Variants in FSHR observed in about 807,000 individuals in gnomAD.
The protein encoded by FSHR is follicle stimulating hormone receptor.
FSHR carries 46 observed loss-of-function variants against 52.1 expected under a neutral mutation model. That is an observed-to-expected ratio of 0.88 (90% CI 0.70 to 1.13). The LOEUF is 1.13. Among genes scored for constraint, FSHR ranks in the 50% most tolerant of loss-of-function variants. The pLI is 0.00. For missense variants in FSHR, 964 were observed against 834.6 expected (o/e 1.16, Z -1.91); for synonymous variants, 399 against 309.6 (o/e 1.29, Z -3.03).
chr2:49,083,645 G>C (rs915402040), intron 1 of FSHR, among the ~76,000 whole-genome samples: 4 of 150,272 alleles, frequency 2.7e-5, no homozygotes, highest in Non-Finnish European at 5.9e-5. Flanking sequence ...AAAGGATGGA[G>C]GAAGCTCTAC....
intron 2 of FSHR, among the ~76,000 whole-genome samples, chr2:49,058,571 A>T (rs1032286843): frequency 6.6e-6 from 1 of 152,134 alleles, no homozygotes; most frequent in African/African-American, 2.4e-5. Flanking sequence ...CCTAAAAAAA[A>T]CCTTTAAGAA....
At chr2:48,992,463 C>T (rs1022685973) in intron 4 of FSHR, among the ~76,000 whole-genome samples, 1 of 152,164 alleles carries the variant, frequency 6.6e-6, no homozygotes, top group Admixed American at 6.5e-5. Flanking sequence ...AGATGCTCTC[C>T]ACACAGCCAC....
chr2:49,031,292 C>G (rs1029938443), intron 2 of FSHR, among the ~76,000 whole-genome samples: 1 of 152,134 alleles, frequency 6.6e-6, no homozygotes, highest in African/African-American at 2.4e-5. Flanking sequence ...AATTGTGAAG[C>G]ACGCATTTGT....
At chr2:49,070,773 A>G (rs1272573305) in intron 1 of FSHR, among the ~76,000 whole-genome samples, 1 of 152,190 alleles carries the variant, frequency 6.6e-6, no homozygotes. Context: ...ACTGACCTCT[A>G]TTTCCTGAAA....
intron 1 of FSHR, among the ~76,000 whole-genome samples, chr2:49,072,098 A>G (rs1242456911): frequency 1.3e-5 from 2 of 152,192 alleles, no homozygotes; most frequent in Non-Finnish European, 2.9e-5. Context: ...GAAAATTAGT[A>G]TTAAAAAATT....
chr2:49,115,422 G>C (rs1671565153), intron 1 of FSHR, among the ~76,000 whole-genome samples: 1 of 152,124 alleles, frequency 6.6e-6, no homozygotes, highest in Non-Finnish European at 1.5e-5. Flanking sequence ...AAAACGGCCA[G>C]TGTGGTCATG....
intron 2 of FSHR, among the ~76,000 whole-genome samples, chr2:49,044,016 G>A (rs1558407830): frequency 6.6e-6 from 1 of 152,082 alleles, no homozygotes; most frequent in Non-Finnish European, 1.5e-5. Flanking sequence ...AACATTTAGG[G>A]GTTGCTTATA....
chr2:49,066,139 C>A (rs946655026), intron 2 of FSHR, among the ~76,000 whole-genome samples: 6 of 152,030 alleles, frequency 3.9e-5, no homozygotes, highest in Non-Finnish European at 4.4e-5. Context: ...GCAACTCTTT[C>A]AACACAGTGG....
chr2:49,141,055 C>T (rs1354407474), intron 1 of FSHR, among the ~76,000 whole-genome samples: 2 of 152,182 alleles, frequency 1.3e-5, no homozygotes, highest in African/African-American at 4.8e-5. Context: ...CCTGATACCA[C>T]CCACTCTATA....
intron 1 of FSHR, among the ~76,000 whole-genome samples, chr2:49,139,017 G>A (rs745332760): frequency 2.0e-5 from 3 of 152,010 alleles, no homozygotes; most frequent in Non-Finnish European, 4.4e-5. Context: ...TGTCAATAAC[G>A]GACAAACAAT....
intron 4 of FSHR, among the ~76,000 whole-genome samples, chr2:49,001,054 A>G (rs541182064): frequency 6.6e-6 from 1 of 152,240 alleles, no homozygotes; most frequent in African/African-American, 2.4e-5. Context: ...TAAGGTAAAC[A>G]TAATTATGAT....
At chr2:49,134,259 T>G (rs1212034085) in intron 1 of FSHR, among the ~76,000 whole-genome samples, 1 of 152,174 alleles carries the variant, frequency 6.6e-6, no homozygotes, top group Non-Finnish European at 1.5e-5. Context: ...GCAAAGGATA[T>G]GAACAGACAC....
At chr2:49,148,423 C>T (rs1672945562) in intron 1 of FSHR, among the ~76,000 whole-genome samples, 1 of 152,068 alleles carries the variant, frequency 6.6e-6, no homozygotes, top group South Asian at 2.1e-4. Flanking sequence ...ATTCTTTATT[C>T]AATACTGAGG....
chr2:49,044,744 C>A (rs1318467516), intron 2 of FSHR, among the ~76,000 whole-genome samples: 2 of 152,128 alleles, frequency 1.3e-5, no homozygotes, highest in East Asian at 3.9e-4. Flanking sequence ...CTAGAAGAAA[C>A]CTTATGTGCT....
chr2:48,998,768 T>TA (rs146774301), intron 4 of FSHR, among the ~76,000 whole-genome samples: 1 of 150,768 alleles, frequency 6.6e-6, no homozygotes, highest in African/African-American at 2.4e-5. Flanking sequence ...AACTAAGGAT[T>TA]AAAAAAAAAG....
intron 1 of FSHR, among the ~76,000 whole-genome samples, chr2:49,083,179 G>A (rs1302765023): frequency 2.0e-5 from 3 of 151,638 alleles, no homozygotes; most frequent in African/African-American, 7.3e-5. Context: ...GAAGAGAGTG[G>A]GGGCCAATAT....
chr2:49,091,262 T>C (rs2103690776), intron 1 of FSHR, among the ~76,000 whole-genome samples: 1 of 152,260 alleles, frequency 6.6e-6, no homozygotes, highest in East Asian at 1.9e-4. Context: ...AGATTTATGA[T>C]ACAATTTGGG....
chr2:49,129,355 C>A (rs1672179597), intron 1 of FSHR, among the ~76,000 whole-genome samples: 1 of 152,160 alleles, frequency 6.6e-6, no homozygotes. Flanking sequence ...TGCTAATTAA[C>A]CCATCCACAG....
At chr2:48,968,605 A>C (rs971360516) in intron 9 of FSHR, 93 bp downstream of exon 9, 4 of 1,453,306 alleles carry the variant, frequency 2.8e-6, no homozygotes, top group Non-Finnish European at 3.8e-6. Flanking sequence ...ACTCTCTGCA[A>C]GTAGATTCTC....
Sources: gnomAD v4.1 joint callset for allele counts (sites outside exome capture counted in the v4.1 genomes callset) on GRCh38, gnomAD v4.1.1 for gene constraint, MANE v1.5 for transcripts, NCBI Gene and HGNC (gene_info 2026-07-23, HGNC 2026-07-21) for gene names.